CHTF18: variants seen among roughly 807,000 people sequenced by gnomAD.
The protein encoded by CHTF18 is chromosome transmission fidelity protein 18 homolog.
A neutral mutation model predicts 113.4 loss-of-function variants in CHTF18; 151 were observed. The ratio of observed to expected loss-of-function variants is 1.33; its 90% CI spans 1.17 to 1.52. The LOEUF (loss-of-function observed/expected upper bound fraction) is 1.52, where lower values mean the gene tolerates loss of function less well. CHTF18 is among the 40% of genes most tolerant of loss of function. The probability of loss-of-function intolerance (pLI) is 0.00; values close to 1 mark genes in which losing one functional copy is unlikely to be tolerated. For missense variants in CHTF18, 1,982 were observed against 1,381.6 expected, an observed-to-expected ratio of 1.43 and a Z score of -6.89; for synonymous variants, 916 against 598.8, an observed-to-expected ratio of 1.53 and a Z score of -7.74.
Position 790,406 on chromosome 16 carries a change from T to C in CHTF18, c.752+7T>C, listed in dbSNP as rs2151642127. ...TTTCAGACACCCTGCACAGGTGACTTGGTTGGCCCTTCCGCCCTGGGGACC... is the reference window on the plus strand; with the variant it reads ...TTTCAGACACCCTGCACAGGTGACTCGGTTGGCCCTTCCGCCCTGGGGACC... On this transcript the variant is annotated splice_region_variant and intron_variant, in intron 6 of 21. Coordinates refer to ENST00000262315, the MANE Select transcript of CHTF18 (RefSeq NM_022092.3). The C allele has an allele frequency of 6.2e-7, 1 of 1,612,416 alleles. No individual in the cohort carries two copies. Among genetic ancestry groups the C allele is most frequent in the Non-Finnish European group, 8.5e-7 (1 of 1,179,784 alleles).
rs950401867 is a variant in CHTF18 at position 795,753 on chromosome 16, G to A, written c.2244G>A (p.Thr748=). 1.7e-5 allele frequency: 28 copies of A among 1,608,098 alleles called. 1 individual carries two copies. The highest frequency in any genetic ancestry group is 1.3e-4 in the Admixed American group (8 of 59,580). The change falls in exon 17 of 22, where the codon ACG becomes ACA. Residue 748 remains threonine, a synonymous_variant. Transcript: ENST00000262315. ...QTLVSGIAPA[T]RSRATPQALL... Reference sequence around the variant, plus strand: ...TGGTGTCCGGCATCGCGCCAGCCACGCGCAGCCGGGCCACGCCCCAGGCCC... The same window carrying A: ...TGGTGTCCGGCATCGCGCCAGCCACACGCAGCCGGGCCACGCCCCAGGCCC...
chr16:797,370 C>T (rs2042381278), intron 20 of CHTF18, among the ~76,000 whole-genome samples: 1 of 151,972 alleles, frequency 6.6e-6, no homozygotes, highest in African/African-American at 2.4e-5. Flanking sequence ...CAGGAGGAGT[C>T]TGGCTGAGGG....
Position 789,711 on chromosome 16 carries a change from T to A in CHTF18, c.602T>A (p.Val201Glu). Residue 201 changes from valine (V) to glutamate (E), a missense_variant, in exon 4 of 22, where the codon GTG becomes GAG. Physicochemically the swap from Val to Glu is moderately radical, Grantham distance 121 (BLOSUM62 -2). Coordinates refer to ENST00000262315, the MANE Select transcript of CHTF18 (RefSeq NM_022092.3). Reference protein sequence around the residue: ...VLRADPMAPGVQGSLLHVPWR... With the variant: ...VLRADPMAPGEQGSLLHVPWR... Reference sequence around the variant, plus strand: ...CGTGCTGACCCCATGGCCCCGGGGGTGCAGGTGCGTGGCTGTGGCCTTCCT... The same window carrying A: ...CGTGCTGACCCCATGGCCCCGGGGGAGCAGGTGCGTGGCTGTGGCCTTCCT... The A allele has an allele frequency of 6.3e-7, 1 of 1,583,968 alleles. No individual in the cohort carries two copies. The highest frequency in any genetic ancestry group is 1.1e-5 in the South Asian group (1 of 89,406).
At position 788,913 on chromosome 16, in the gene CHTF18, A is replaced by C; in HGVS notation, c.92-18A>C. 1 of 1,523,976 alleles carries C rather than the reference A, an allele frequency of 6.6e-7. No individual in the cohort carries two copies. Among genetic ancestry groups the C allele is most frequent in the Non-Finnish European group, 8.7e-7 (1 of 1,145,690 alleles). 94.4% of individuals were successfully genotyped at this position (1,523,976 alleles called of 1,614,324 possible). ...CTGCTGTCTCGGGGCGGCCGCTGACAATCTCCTCTCCCAGCAGGGGCGTCG... is the reference window on the plus strand; with the variant it reads ...CTGCTGTCTCGGGGCGGCCGCTGACCATCTCCTCTCCCAGCAGGGGCGTCG... On this transcript the variant is annotated intron_variant, in intron 1 of 21. Transcript: ENST00000262315.
Position 789,680 on chromosome 16 carries a change from G to T in CHTF18, c.571G>T (p.Val191Leu). 1 of 1,600,054 alleles carries T rather than the reference G, an allele frequency of 6.2e-7. No homozygotes were observed. Reference protein sequence around the residue: ...TSTEGVRAYLVLRADPMAPGV... With the variant: ...TSTEGVRAYLLLRADPMAPGV... ...CACGGAGGGCGTCCGGGCTTATCTG[G>T]TGCTGCGTGCTGACCCCATGGCCCC... The change falls in exon 4 of 22, where the codon GTG becomes TTG. Residue 191 changes from valine (V) to leucine (L), a missense_variant. Transcript: ENST00000262315.
At position 797,871 on chromosome 16, in the gene CHTF18, C is replaced by T. The variant is rs200611878; in HGVS notation, c.2824C>T (p.Arg942Trp). 3.7e-5 allele frequency: 59 copies of T among 1,608,714 alleles called. No individual in the cohort carries two copies. The Middle Eastern group carries it at 5.0e-4, about 14-fold the overall frequency. Reference sequence around the variant, plus strand: ...GGCCCCGGAGCAGGACTCAGTGGAGCGGCGCATGGGCACAGCGGTGGGCAG... The same window carrying T: ...GGCCCCGGAGCAGGACTCAGTGGAGTGGCGCATGGGCACAGCGGTGGGCAG... ...DTAPEQDSVE[R>W]RMGTAVGRSE... Residue 942 changes from arginine to tryptophan, a missense_variant, in exon 22 of 22, where the codon CGG becomes TGG. Transcript: ENST00000262315.
At position 794,374 on chromosome 16, in the gene CHTF18, G is replaced by A. The variant is rs578132487; in HGVS notation, c.1950+173G>A. ...TCTCTGAGGTGGGGAGCAGGAGCCA[G>A]GAGGGTGGGAGGGGCTGCAGGGCAC... is the stretch of plus-strand genomic sequence containing the variant. On this transcript the variant is annotated intron_variant, in intron 15 of 21. Transcript: ENST00000262315. Among the ~76,000 whole-genome samples, 200 of 152,342 alleles carry A rather than the reference G, an allele frequency of 1.3e-3. 1 individual carries two copies. The highest frequency in any genetic ancestry group is 4.7e-3 in the African/African-American group (194 of 41,576).
chr16:797,514 C>T (rs2042386021), intron 20 of CHTF18, among the ~76,000 whole-genome samples, 180 bp from the exon 21 acceptor site: 1 of 152,100 alleles, frequency 6.6e-6, no homozygotes, highest in Admixed American at 6.5e-5. Context: ...TTGATTGGCA[C>T]CTGGTGGGGA....
rs2042248317 is a variant in CHTF18, at chr16:793,159, G to T, written c.1687G>T (p.Gly563Cys). Reference protein sequence around the residue: ...INTLQFLYSRGQRELSVRDVQ... With the variant: ...INTLQFLYSRCQRELSVRDVQ... ...CTATGTCTAGTTCCTGTACAGCCGG[G>T]GCCAGCGGGAGCTGAGCGTGCGGGA... Residue 563 changes from glycine to cysteine, a missense_variant, in exon 14 of 22, where the codon GGC becomes TGC. Physicochemically the swap from Gly to Cys is radical, Grantham distance 159 (BLOSUM62 -3). Coordinates refer to ENST00000262315, the MANE Select transcript of CHTF18 (RefSeq NM_022092.3). The T allele has an allele frequency of 2.5e-6, 4 of 1,604,342 alleles. No homozygotes were observed. Among genetic ancestry groups the T allele is most frequent in the African/African-American group, 1.3e-5 (1 of 74,854 alleles).
Position 790,182 on chromosome 16 carries a change from TCTC to T in CHTF18, c.617_619del (p.Leu206del). The stretch of plus-strand genomic sequence containing the variant: ...TTGTCCTCCCTTCCCCACAGGGCTC[TCTC>T]CTCCACGTCCCATGGCGAGGCGGTG... On this transcript the variant is annotated inframe_deletion, in exon 5 of 22. Coordinates refer to ENST00000262315, the MANE Select transcript of CHTF18 (RefSeq NM_022092.3). 6.3e-7 allele frequency: 1 copy of T among 1,596,590 alleles called. No homozygotes were observed. The highest frequency in any genetic ancestry group is 1.7e-4 in the Middle Eastern group (1 of 6,050).
In CHTF18 at chr16:793,189, C is replaced by T; in HGVS notation, c.1717C>T (p.Gln573Ter). The change falls in exon 14 of 22, where the codon CAG becomes TAG. Residue 573 changes from glutamine to a stop codon, truncating the protein, a stop_gained. Coordinates refer to ENST00000262315, the MANE Select transcript of CHTF18 (RefSeq NM_022092.3). LOFTEE classifies it high-confidence loss of function. ...GQRELSVRDVQATRVGLKDQR... is the reference protein window; with the variant it reads ...GQRELSVRDV ...GCGGGAGCTGAGCGTGCGGGACGTGCAGGCCACACGCGTGGGCCTCAAGGA... is the reference window on the plus strand; with the variant it reads ...GCGGGAGCTGAGCGTGCGGGACGTGTAGGCCACACGCGTGGGCCTCAAGGA... The T allele has an allele frequency of 6.2e-7, 1 of 1,608,402 alleles. No individual in the cohort carries two copies. The highest frequency in any genetic ancestry group is 1.3e-5 in the African/African-American group (1 of 74,898).
rs1429153344 is a variant in CHTF18 at position 790,215 on chromosome 16, G to A, written c.645G>A (p.Gln215=). 6.2e-7 allele frequency: 1 copy of A among 1,605,274 alleles called. No individual in the cohort carries two copies. Among genetic ancestry groups the A allele is most frequent in the Non-Finnish European group, 8.5e-7 (1 of 1,176,780 alleles). Residue 215 remains glutamine, a synonymous_variant, in exon 5 of 22, where the codon CAG becomes CAA. Transcript: ENST00000262315. ...LLHVPWRGGG[Q]LDLLGVSLAS... ...ACGTCCCATGGCGAGGCGGTGGCCA[G>A]CTGGACCTGCTGGGTGTGTCCTTAG...
At chr16:793,726 A>G (rs1269359278) in intron 14 of CHTF18, 1 of 645,724 alleles carries the variant, frequency 1.5e-6, no homozygotes. Context: ...GTCGTGCTGC[A>G]GGATATGGGA....
chr16:790,601 T>C lies in CHTF18; in HGVS notation c.829T>C (p.Ser277Pro). ...EEEPTDGQDA[S>P]SHCLWVDEFA... ...GGAGCCGACTGACGGTCAAGACGCC[T>C]CCAGTCACTGCCTCTGGGTGGATGA... The change falls in exon 7 of 22, where the codon TCC becomes CCC. Residue 277 changes from serine (S) to proline (P), a missense_variant. Coordinates refer to ENST00000262315, the MANE Select transcript of CHTF18 (RefSeq NM_022092.3). 1.3e-6 allele frequency: 2 copies of C among 1,596,748 alleles called. No homozygotes were observed. The highest frequency in any genetic ancestry group is 1.1e-5 in the South Asian group (1 of 88,196).
chr16:789,846 G>T, intron 4 of CHTF18, 131 bp downstream of exon 4: 1 of 1,326,980 alleles, frequency 7.5e-7, no homozygotes, highest in East Asian at 2.5e-5. Context: ...AGAGGGGGAG[G>T]CTGCGTCATG....
Position 792,429 on chromosome 16 carries a change from C to G in CHTF18, c.1327-10C>G. 2 of 1,560,134 alleles carry G rather than the reference C, an allele frequency of 1.3e-6. No individual in the cohort carries two copies. Among genetic ancestry groups the G allele is most frequent in the Non-Finnish European group, 1.7e-6 (2 of 1,152,594 alleles). On this transcript the variant is annotated splice_polypyrimidine_tract_variant and intron_variant, in intron 10 of 21. Coordinates refer to ENST00000262315, the MANE Select transcript of CHTF18 (RefSeq NM_022092.3). The stretch of plus-strand genomic sequence containing the variant: ...GCCTGGACTCACCGTGTCCTCTGAC[C>G]TCCCCCAAGGCCGCCATCAACGTCC...
chr16:790,097 TC>T, intron 4 of CHTF18, 79 bp from the exon 5 acceptor site: 2 of 1,540,188 alleles, frequency 1.3e-6, no homozygotes, highest in Non-Finnish European at 1.7e-6. Flanking sequence ...CCCACCCGGG[TC>T]CCTGAGCACT....
chr16:793,888 C>A, intron 14 of CHTF18, 166 bp from the exon 15 acceptor site: 1 of 721,874 alleles, frequency 1.4e-6, no homozygotes, highest in South Asian at 1.8e-5. Flanking sequence ...GGTTGAGGTC[C>A]GGGCGTGTCT....
rs1044922131 is a variant in CHTF18, at chr16:793,265, G to C, written c.1793G>C (p.Arg598Pro). 3 of 1,606,702 alleles carry C rather than the reference G, an allele frequency of 1.9e-6. No individual in the cohort carries two copies. Among genetic ancestry groups the C allele is most frequent in the Non-Finnish European group, 1.7e-6 (2 of 1,178,388 alleles). The change falls in exon 14 of 22, where the codon CGA (arginine) becomes CCA (proline). Residue 598 changes from arginine to proline, a missense_variant. Physicochemically the swap from Arg to Pro is moderately radical, Grantham distance 103. Coordinates refer to ENST00000262315, the MANE Select transcript of CHTF18 (RefSeq NM_022092.3). ...TGGCAGGAGGTCTTCCAGCTGCCTCGAGCCCAGAGGTAGGCGGTGGCCACA... is the reference window on the plus strand; with the variant it reads ...TGGCAGGAGGTCTTCCAGCTGCCTCCAGCCCAGAGGTAGGCGGTGGCCACA... ...SVWQEVFQLP[R>P]AQRRRVGQDP...
Sources: allele counts gnomAD v4.1 joint callset (sites outside exome capture counted in the v4.1 genomes callset), GRCh38; gene constraint gnomAD v4.1.1; transcripts MANE v1.5; gene names NCBI Gene and HGNC (gene_info 2026-07-23, HGNC 2026-07-21).